Variants in CDC25A observed in about 807,000 individuals in gnomAD.
CDC25A encodes the protein M-phase inducer phosphatase 1.
CDC25A carries 17 observed loss-of-function variants against 64.6 expected under a neutral mutation model. The observed-to-expected ratio is 0.26, with a 90% confidence interval of 0.18 to 0.39. CDC25A has a LOEUF of 0.39. Ranked by LOEUF, CDC25A falls within the 10% of genes least tolerant of loss-of-function variation. CDC25A has a pLI of 1.00. For synonymous variants in CDC25A, 229 were observed against 238.6 expected (o/e 0.96, Z 0.37); for missense variants, 473 against 654.8 (o/e 0.72, Z 3.03).
intron 1 of CDC25A, 129 bp downstream of exon 1, chr3:48,187,649 G>C: frequency 2.2e-6 from 2 of 919,000 alleles, no homozygotes; most frequent in Non-Finnish European, 3.1e-6. Context: ...GCCCTAGCCC[G>C]GCTGTCCCCG....
In CDC25A at chr3:48,157,999, A is replaced by AC. The variant is rs918005807; in HGVS notation, c.*945dup. 2.0e-5 allele frequency: 3 copies of AC among 151,210 alleles called. No homozygotes were observed. The highest frequency in any genetic ancestry group is 7.3e-5 in the African/African-American group (3 of 41,002). 9.4% of individuals were successfully genotyped at this position (151,210 alleles called of 1,614,324 possible). A position where few individuals can be genotyped will look rare whatever the true frequency, so the allele number is the denominator to read the frequency against. On this transcript the variant is annotated 3_prime_UTR_variant, in exon 15 of 15. Transcript: ENST00000302506. ...CTCCCCCATCCTGTGGAGCCCACCT[A>AC]CCCCCACCCCCCTTCCCTGGGAAAC...
chr3:48,181,501 CG>C, intron 5 of CDC25A: 1 of 989,154 alleles, frequency 1.0e-6, no homozygotes, highest in South Asian at 1.3e-5. Flanking sequence ...CTGAGTTCCC[CG>C]TTGCCCTTGG....
At chr3:48,173,945 G>C (rs143587991) in intron 9 of CDC25A, among the ~76,000 whole-genome samples, 1 of 152,292 alleles carries the variant, frequency 6.6e-6, no homozygotes, top group African/African-American at 2.4e-5. Flanking sequence ...TCTTAAAAAT[G>C]CTTCAACAGG....
chr3:48,167,267 T>C (rs1036811589), intron 10 of CDC25A, among the ~76,000 whole-genome samples: 1 of 152,222 alleles, frequency 6.6e-6, no homozygotes, highest in Non-Finnish European at 1.5e-5. Context: ...AATAAAACAT[T>C]GATCTGGTAA....
chr3:48,159,208 G>C, intron 14 of CDC25A, 123 bp from the exon 15 acceptor site: 7 of 1,346,660 alleles, frequency 5.2e-6, no homozygotes, highest in Non-Finnish European at 7.2e-6. Context: ...CAGTTCTACA[G>C]GGGCTTTCTT....
chr3:48,170,055 GAT>G (rs1393674955), intron 9 of CDC25A, among the ~76,000 whole-genome samples: 1 of 151,678 alleles, frequency 6.6e-6, no homozygotes, highest in Admixed American at 6.6e-5. Context: ...AGCCCTGTAT[GAT>G]ATGTTTGTGT....
intron 10 of CDC25A, among the ~76,000 whole-genome samples, chr3:48,166,716 T>G (rs575685849): frequency 3.2e-4 from 48 of 152,288 alleles, no homozygotes; most frequent in African/African-American, 1.1e-3. Context: ...ATAGGCCCAT[T>G]AAGACAAATA....
intron 13 of CDC25A, among the ~76,000 whole-genome samples, chr3:48,164,037 T>G (rs1175466517): frequency 6.6e-6 from 1 of 152,170 alleles, no homozygotes; most frequent in Non-Finnish European, 1.5e-5. Context: ...AACTTCACAC[T>G]TTTCTGGCAT....
chr3:48,161,875 A>G (rs2031780127), intron 13 of CDC25A, among the ~76,000 whole-genome samples: 1 of 152,288 alleles, frequency 6.6e-6, no homozygotes, highest in African/African-American at 2.4e-5. Context: ...AGCCTGGCCA[A>G]TGTAGCAAAA....
chr3:48,176,559 A>AT (rs1162507538), intron 8 of CDC25A, among the ~76,000 whole-genome samples: 3 of 140,008 alleles, frequency 2.1e-5, no homozygotes, highest in Non-Finnish European at 4.7e-5. Flanking sequence ...ATATATATAT[A>AT]AAATATATAT....
Position 48,187,983 on chromosome 3 carries a change from T to C in CDC25A, c.-36A>G. 2 of 1,366,924 alleles carry C rather than the reference T, an allele frequency of 1.5e-6. No homozygotes were observed. The highest frequency in any genetic ancestry group is 1.9e-6 in the Non-Finnish European group (2 of 1,066,070). The allele number at this position is 1,366,924 out of a possible 1,614,324, so 84.7% of individuals were successfully genotyped here. A position where few individuals can be genotyped will look rare whatever the true frequency, so the allele number is the denominator to read the frequency against. ...GGCCTCGCAGAGCTCCCGCTCCCTC[T>C]TCCTCTGCCTCCGCCGCGACCGCCC... is the stretch of plus-strand genomic sequence containing the variant. On this transcript the variant is annotated 5_prime_UTR_variant, in exon 1 of 15. Coordinates refer to ENST00000302506, the MANE Select transcript of CDC25A (RefSeq NM_001789.3).
intron 5 of CDC25A, among the ~76,000 whole-genome samples, chr3:48,181,330 T>C (rs1335528730): frequency 6.6e-6 from 1 of 152,104 alleles, no homozygotes; most frequent in Non-Finnish European, 1.5e-5. Context: ...GGACGATTCT[T>C]ACAAGCATAA....
rs1375182423 is a variant in CDC25A, at chr3:48,186,751, T to C, written c.199A>G (p.Asn67Asp). 5.0e-6 allele frequency: 8 copies of C among 1,601,608 alleles called. No individual in the cohort carries two copies. In the African/African-American group the frequency reaches 1.1e-4, roughly 21 times the overall value. ...SDYEQPLEVK[N>D]NSNLQRMGSS... is the part of the protein sequence containing the mutation. ...CCCATTCTCTGCAGATTACTGTTGT[T>C]CTTCACCTCCAGTGGTTGCTCATAA... Residue 67 changes from asparagine to aspartate, a missense_variant, in exon 2 of 15, where the codon AAC (asparagine) becomes GAC (aspartate). Coordinates refer to ENST00000302506, the MANE Select transcript of CDC25A (RefSeq NM_001789.3).
At chr3:48,184,001 GCACCCCCAA>G (rs2032759381) in intron 3 of CDC25A, among the ~76,000 whole-genome samples, 165 bp from the exon 4 acceptor site, 1 of 152,050 alleles carries the variant, frequency 6.6e-6, no homozygotes, top group Admixed American at 6.5e-5. Flanking sequence ...GTTCTCAGGA[GCACCCCCAA>G]CACTAGACTT....
chr3:48,178,942 G>C (rs948670458), intron 6 of CDC25A, among the ~76,000 whole-genome samples: 6 of 152,116 alleles, frequency 3.9e-5, no homozygotes, highest in Admixed American at 3.3e-4. Context: ...TTTCACAGTA[G>C]CAGGGTAGTC....
At chr3:48,185,651 C>T (rs2032820197) in intron 2 of CDC25A, among the ~76,000 whole-genome samples, 1 of 152,124 alleles carries the variant, frequency 6.6e-6, no homozygotes, top group South Asian at 2.1e-4. Context: ...AATACAACTA[C>T]TGGTCATGAC....
At chr3:48,173,844 T>C (rs2032358026) in intron 9 of CDC25A, among the ~76,000 whole-genome samples, 1 of 151,816 alleles carries the variant, frequency 6.6e-6, no homozygotes, top group Non-Finnish European at 1.5e-5. Flanking sequence ...ACCAGAAAAA[T>C]CCCAACTTGA....
At chr3:48,182,784 A>T (rs2032712198) in intron 5 of CDC25A, 145 bp downstream of exon 5, 1 of 604,986 alleles carries the variant, frequency 1.7e-6, no homozygotes, top group Admixed American at 2.8e-5. Flanking sequence ...AGTAAGCAGG[A>T]TCCAAACCCA....
chr3:48,160,884 G>A (rs2106681633), intron 13 of CDC25A, among the ~76,000 whole-genome samples: 1 of 152,180 alleles, frequency 6.6e-6, no homozygotes, highest in Admixed American at 6.5e-5. Flanking sequence ...GCTGGGCGCG[G>A]TGGCTCACAC....
Sources: gnomAD v4.1 joint callset for allele counts (sites outside exome capture counted in the v4.1 genomes callset) on GRCh38, gnomAD v4.1.1 for gene constraint, MANE v1.5 for transcripts, NCBI Gene and HGNC (gene_info 2026-07-23, HGNC 2026-07-21) for gene names.